AGMO: variants seen among roughly 807,000 people sequenced by gnomAD.
The protein encoded by AGMO is alkylglycerol monooxygenase.
Under a neutral mutation model 60.2 loss-of-function variants are expected in AGMO, and 75 were observed. The ratio of observed to expected loss-of-function variants is 1.25; its 90% CI spans 1.03 to 1.51. The LOEUF (loss-of-function observed/expected upper bound fraction) is 1.51, where lower values mean the gene tolerates loss of function less well. AGMO is among the 40% of genes most tolerant of loss of function. The pLI is 0.00. For missense variants in AGMO, 763 were observed against 525.5 expected (o/e 1.45, Z -4.42); for synonymous variants, 261 against 177.1 (o/e 1.47, Z -3.76).
intron 2 of AGMO, among the ~76,000 whole-genome samples, chr7:15,554,444 G>A (rs2115304562): frequency 6.6e-6 from 1 of 151,962 alleles, no homozygotes; most frequent in African/African-American, 2.4e-5. Flanking sequence ...AATGTAAAGA[G>A]ACATTAGAAT....
chr7:15,276,988 T>G (rs548147521), intron 12 of AGMO, among the ~76,000 whole-genome samples: 4 of 151,942 alleles, frequency 2.6e-5, no homozygotes, highest in Non-Finnish European at 5.9e-5. Flanking sequence ...TTGAATCTCA[T>G]TGAGTTTTCT....
chr7:15,194,398 A>G, the AGMO span, among the ~76,000 whole-genome samples: 1 of 152,236 alleles, frequency 6.6e-6, no homozygotes, highest in African/African-American at 2.4e-5. Flanking sequence ...AAATATATAT[A>G]AGTAAAATAA....
chr7:15,283,118 G>A (rs995114252), intron 12 of AGMO, among the ~76,000 whole-genome samples: 3 of 151,926 alleles, frequency 2.0e-5, no homozygotes, highest in South Asian at 2.1e-4. Context: ...AGTCCTATAT[G>A]AAACATAATA....
intron 3 of AGMO, among the ~76,000 whole-genome samples, chr7:15,543,441 C>A (rs1365666143): frequency 6.6e-6 from 1 of 152,116 alleles, no homozygotes; most frequent in Non-Finnish European, 1.5e-5. Context: ...AGTAAGAGGG[C>A]TTTTGCAGAT....
chr7:15,235,819 C>A (rs1299503917), intron 12 of AGMO, among the ~76,000 whole-genome samples: 1 of 152,100 alleles, frequency 6.6e-6, no homozygotes, highest in Non-Finnish European at 1.5e-5. Flanking sequence ...CAAAACATTA[C>A]TTTTATGGAA....
chr7:15,441,041 A>C (rs190890538), intron 3 of AGMO, among the ~76,000 whole-genome samples: 108 of 152,332 alleles, frequency 7.1e-4, no homozygotes, highest in African/African-American at 2.5e-3. Context: ...AGGGGATCCT[A>C]AATAATATTT....
chr7:15,277,335 AAATAAATAAATAAATAAATT>A (rs1188922642), intron 12 of AGMO, among the ~76,000 whole-genome samples: 1 of 147,668 alleles, frequency 6.8e-6, no homozygotes, highest in African/African-American at 2.5e-5. Context: ...ATAAATAAAT[AAATAAATAAATAAATAAATT>A]ATGTGTCATT....
At chr7:15,456,304 C>T (rs1781996628) in intron 3 of AGMO, among the ~76,000 whole-genome samples, 1 of 151,930 alleles carries the variant, frequency 6.6e-6, no homozygotes, top group African/African-American at 2.4e-5. Flanking sequence ...TTTTTATGTT[C>T]CTTGCATTGT....
At chr7:15,314,279 T>C (rs1326659385) in intron 12 of AGMO, among the ~76,000 whole-genome samples, 1 of 152,178 alleles carries the variant, frequency 6.6e-6, no homozygotes, top group East Asian at 1.9e-4. Flanking sequence ...TTTAATATTT[T>C]TGTAGCACAG....
chr7:15,184,559 AGGAG>A, the AGMO span, among the ~76,000 whole-genome samples: 3 of 103,324 alleles, frequency 2.9e-5, no homozygotes, highest in African/African-American at 4.0e-5. Flanking sequence ...AGGAAGGAAA[AGGAG>A]GGAGGGAGGG....
At chr7:15,129,029 T>TCCC in the AGMO span, among the ~76,000 whole-genome samples, 1 of 152,052 alleles carries the variant, frequency 6.6e-6, no homozygotes, top group Non-Finnish European at 1.5e-5. Context: ...GTGGTGGGCT[T>TCCC]ACTAGAAGTG....
chr7:15,488,706 G>C (rs76625509), intron 3 of AGMO, among the ~76,000 whole-genome samples: 2 of 152,000 alleles, frequency 1.3e-5, no homozygotes, highest in Non-Finnish European at 2.9e-5. Context: ...ATTGAATTTG[G>C]ATTATCACAA....
intron 12 of AGMO, among the ~76,000 whole-genome samples, chr7:15,284,506 C>T (rs1784050676): frequency 6.6e-6 from 1 of 151,778 alleles, no homozygotes; most frequent in Non-Finnish European, 1.5e-5. Context: ...GTACAATCCT[C>T]CTAAATTAAA....
At chr7:15,278,210 A>G (rs957109254) in intron 12 of AGMO, among the ~76,000 whole-genome samples, 1 of 152,100 alleles carries the variant, frequency 6.6e-6, no homozygotes, top group Admixed American at 6.5e-5. Context: ...CTGATCTCCA[A>G]TGCAGTAACA....
chr7:15,129,727 G>C, the AGMO span, among the ~76,000 whole-genome samples: 1 of 152,070 alleles, frequency 6.6e-6, no homozygotes, highest in Non-Finnish European at 1.5e-5. Flanking sequence ...GTTTTGCCCT[G>C]CTTTGGAAGC....
the AGMO span, among the ~76,000 whole-genome samples, chr7:15,147,586 C>G: frequency 6.6e-6 from 1 of 152,224 alleles, no homozygotes. Flanking sequence ...GGGGACACAG[C>G]CAAACCATAC....
At chr7:15,360,279 GC>G (rs374958571) in intron 12 of AGMO, among the ~76,000 whole-genome samples, 157 of 152,246 alleles carry the variant, frequency 1.0e-3, no homozygotes, top group African/African-American at 3.5e-3. Context: ...TACATCGTTA[GC>G]AATAAGTACA....
intron 3 of AGMO, among the ~76,000 whole-genome samples, chr7:15,450,298 T>A (rs1438236946): frequency 6.6e-6 from 1 of 151,652 alleles, no homozygotes; most frequent in Admixed American, 6.6e-5. Flanking sequence ...CGGGCGCATG[T>A]AGTCCCAGCG....
At chr7:15,504,733 TA>T (rs201109649) in intron 3 of AGMO, among the ~76,000 whole-genome samples, 9 of 143,954 alleles carry the variant, frequency 6.3e-5, no homozygotes, top group African/African-American at 5.1e-5. Context: ...CAGACAGGGT[TA>T]AAAAAAAAAG....
Sources: allele counts gnomAD v4.1 joint callset (sites outside exome capture counted in the v4.1 genomes callset), GRCh38; gene constraint gnomAD v4.1.1; transcripts MANE v1.5; gene names NCBI Gene and HGNC (gene_info 2026-07-23, HGNC 2026-07-21).